RAI2: variants seen among roughly 807,000 people sequenced by gnomAD.
RAI2 encodes the protein retinoic acid-induced protein 2.
RAI2 carries 5 observed loss-of-function variants against 15.3 expected under a neutral mutation model. That is an observed-to-expected ratio of 0.33 (90% CI 0.17 to 0.69). RAI2 has a LOEUF of 0.69. Among genes scored for constraint, RAI2 ranks in the 30% least tolerant of loss-of-function variants. The pLI is 0.69. For synonymous variants in RAI2, 191 were observed against 184.0 expected (o/e 1.04, Z -0.31); for missense variants, 424 against 424.7 (o/e 1.00, Z 0.01).
intron 1 of RAI2, among the ~76,000 whole-genome samples, chrX:17,824,250 G>A (rs2067202569): frequency 8.9e-6 from 1 of 112,211 alleles, no homozygotes; most frequent in Non-Finnish European, 1.9e-5. Context: ...GGAAATGCAG[G>A]CCCTAGCTGG....
intron 1 of RAI2, among the ~76,000 whole-genome samples, chrX:17,827,751 TG>T (rs1262918587): frequency 9.0e-6 from 1 of 111,710 alleles, no homozygotes; most frequent in African/African-American, 3.3e-5. Flanking sequence ...AAAGGGTGAA[TG>T]GGGCAAGTGG....
chrX:17,838,490 A>G (rs1188186021), intron 1 of RAI2, among the ~76,000 whole-genome samples: 2 of 111,717 alleles, frequency 1.8e-5, no homozygotes, highest in African/African-American at 6.5e-5. Context: ...TGGTCTCCTT[A>G]GGGAGAAAAT....
At chrX:17,814,907 TACTTC>T (rs2067088480) in intron 1 of RAI2, among the ~76,000 whole-genome samples, 1 of 108,996 alleles carries the variant, frequency 9.2e-6, no homozygotes, top group Non-Finnish European at 1.9e-5. Flanking sequence ...AAATAAACAC[TACTTC>T]ACTTCATCAG....
At chrX:17,841,346 C>T (rs188320564) in intron 1 of RAI2, among the ~76,000 whole-genome samples, 26 of 112,125 alleles carry the variant, frequency 2.3e-4, no homozygotes, top group Admixed American at 2.1e-3. Flanking sequence ...CTGTACCATG[C>T]ATACATTGTC....
chrX:17,808,048 C>G (rs1298883400), intron 1 of RAI2, among the ~76,000 whole-genome samples: 1 of 112,091 alleles, frequency 8.9e-6, no homozygotes, highest in Non-Finnish European at 1.9e-5. Flanking sequence ...GCGGCCCACA[C>G]AAATTTGTAA....
At chrX:17,831,281 T>C (rs1381047911) in intron 1 of RAI2, among the ~76,000 whole-genome samples, 5 of 112,168 alleles carry the variant, frequency 4.5e-5, no homozygotes, top group African/African-American at 1.6e-4. Context: ...TATGGATATA[T>C]GGACATCTGT....
chrX:17,824,423 G>A (rs957705925), intron 1 of RAI2, among the ~76,000 whole-genome samples: 5 of 112,187 alleles, frequency 4.5e-5, no homozygotes, highest in African/African-American at 1.6e-4. Context: ...CTTTCATTAG[G>A]ATTTGGGATT....
In RAI2 at chrX:17,800,395, T is replaced by C. The variant is rs1008108402; in HGVS notation, c.*23A>G. ...TGCACCTTTCCCCATATTATAATCATACAAATTTTAAAAAGCCGTTATTTA... is the reference window on the plus strand; with the variant it reads ...TGCACCTTTCCCCATATTATAATCACACAAATTTTAAAAAGCCGTTATTTA... On this transcript the variant is annotated 3_prime_UTR_variant, in exon 2 of 2. Coordinates refer to ENST00000451717, the MANE Select transcript of RAI2 (RefSeq NM_021785.6). 8.6e-7 allele frequency: 1 copy of C among 1,160,203 alleles called. No homozygotes were observed. Among genetic ancestry groups the C allele is most frequent in the Admixed American group, 2.7e-5 (1 of 37,329 alleles).
chrX:17,827,535 A>G (rs2067240796), intron 1 of RAI2, among the ~76,000 whole-genome samples: 1 of 112,198 alleles, frequency 8.9e-6, no homozygotes, highest in Non-Finnish European at 1.9e-5. Flanking sequence ...AGATGCTGTT[A>G]TTATTACTAC....
intron 1 of RAI2, among the ~76,000 whole-genome samples, chrX:17,810,767 G>A (rs1007263900): frequency 5.3e-5 from 6 of 112,829 alleles, no homozygotes; most frequent in African/African-American, 9.7e-5. Flanking sequence ...TCTATGATGG[G>A]TTTGGGGGCC....
chrX:17,808,791 G>A (rs1488126747), intron 1 of RAI2, among the ~76,000 whole-genome samples: 1 of 111,778 alleles, frequency 8.9e-6, no homozygotes, highest in Non-Finnish European at 1.9e-5. Context: ...TTTCCATTCA[G>A]TACTTAAACC....
At chrX:17,805,656 G>A (rs915102481) in intron 1 of RAI2, among the ~76,000 whole-genome samples, 10 of 112,617 alleles carry the variant, frequency 8.9e-5, no homozygotes, top group Non-Finnish European at 1.7e-4. Context: ...TGTGGGTAGA[G>A]GGGAGCAGTA....
chrX:17,852,007 C>T (rs940112466), intron 1 of RAI2, among the ~76,000 whole-genome samples: 5 of 111,858 alleles, frequency 4.5e-5, no homozygotes, highest in African/African-American at 1.6e-4. Flanking sequence ...GCACACACAG[C>T]GGTGGCCCCA....
chrX:17,849,851 C>T (rs372406870), intron 1 of RAI2, among the ~76,000 whole-genome samples: 27 of 112,869 alleles, frequency 2.4e-4, no homozygotes, highest in African/African-American at 8.0e-4. Flanking sequence ...ATTCTTGAAA[C>T]CAGAAAGCCT....
chrX:17,822,121 G>A (rs945425157), intron 1 of RAI2, among the ~76,000 whole-genome samples: 8 of 111,933 alleles, frequency 7.1e-5, no homozygotes, highest in Admixed American at 2.8e-4. Flanking sequence ...TCTGAGTTGG[G>A]TGTTATGATC....
rs188710087 is a variant in RAI2 at position 17,840,010 on chromosome X, A to C, written c.-25+21088T>G. On this transcript the variant is annotated intron_variant, in intron 1 of 1. Transcript: ENST00000451717. The stretch of plus-strand genomic sequence containing the variant: ...TACACGTGTGTGTGTTAAGAACTTA[A>C]AGAATAAAACCAAGCATGTACCAGT... 2.2e-3 allele frequency among the ~76,000 whole-genome samples: 243 copies of C among 112,789 alleles called. 1 individual carries two copies. The highest frequency in any genetic ancestry group is 2.6e-3 in the Non-Finnish European group (140 of 53,325).
intron 1 of RAI2, among the ~76,000 whole-genome samples, chrX:17,835,212 T>C (rs1398589964): frequency 8.9e-6 from 1 of 112,345 alleles, no homozygotes; most frequent in Non-Finnish European, 1.9e-5. Context: ...GACCTACTTT[T>C]ACCAGACAGT....
At chrX:17,837,586 A>T (rs1406888216) in intron 1 of RAI2, 1 of 111,938 alleles carries the variant, frequency 8.9e-6, no homozygotes, top group East Asian at 2.8e-4. Context: ...TAAACTCTGA[A>T]GTTCTCAGAA....
intron 1 of RAI2, among the ~76,000 whole-genome samples, chrX:17,851,394 AT>A (rs1338721949): frequency 8.9e-6 from 1 of 112,493 alleles, no homozygotes; most frequent in Non-Finnish European, 1.9e-5. Context: ...AAACGGTAAC[AT>A]TGTAGAGCTT....
Sources: allele counts gnomAD v4.1 joint callset (sites outside exome capture counted in the v4.1 genomes callset), GRCh38; gene constraint gnomAD v4.1.1; transcripts MANE v1.5; gene names NCBI Gene and HGNC (gene_info 2026-07-23, HGNC 2026-07-21).